NPAS3: variants seen among roughly 807,000 people sequenced by gnomAD.
NPAS3 encodes neuronal PAS domain protein 3, also known as neuronal PAS domain-containing protein 3.
A neutral mutation model predicts 73.1 loss-of-function variants in NPAS3; 14 were observed. That is an observed-to-expected ratio of 0.19 (90% CI 0.13 to 0.30). NPAS3 has a LOEUF of 0.30. NPAS3 is among the 10% of genes least tolerant of loss of function. NPAS3 has a pLI of 1.00. For synonymous variants in NPAS3, 620 were observed against 541.5 expected (o/e 1.14, Z -2.01); for missense variants, 1,096 against 1,250.0 (o/e 0.88, Z 1.86).
At chr14:33,194,498 A>G (rs2046281030) in intron 2 of NPAS3, among the ~76,000 whole-genome samples, 1 of 152,198 alleles carries the variant, frequency 6.6e-6, no homozygotes, top group Non-Finnish European at 1.5e-5. Flanking sequence ...TTATACTATT[A>G]AAAATTCTCT....
chr14:33,090,067 A>G (rs2042172092), intron 2 of NPAS3, among the ~76,000 whole-genome samples: 1 of 152,222 alleles, frequency 6.6e-6, no homozygotes, highest in Non-Finnish European at 1.5e-5. Flanking sequence ...AAGACCATCG[A>G]TGCTAGGAAG....
In NPAS3 at chr14:33,731,838, T is replaced by C. The variant is rs559040137; in HGVS notation, c.734-3376T>C. Among the ~76,000 whole-genome samples, 334 of 152,336 alleles carry C rather than the reference T, an allele frequency of 2.2e-3. 2 individuals are homozygous for C. Among genetic ancestry groups the C allele is most frequent in the African/African-American group, 7.4e-3 (309 of 41,570 alleles). ...TTATTAAAAAGTTGAGACCTTGAGATTGAGCCAAATAGAGTATATTTCTTT... is the reference window on the plus strand; with the variant it reads ...TTATTAAAAAGTTGAGACCTTGAGACTGAGCCAAATAGAGTATATTTCTTT... On this transcript the variant is annotated intron_variant, in intron 6 of 11. Transcript: ENST00000356141.
chr14:33,194,732 T>TA (rs558125229), intron 2 of NPAS3, among the ~76,000 whole-genome samples: 27 of 152,164 alleles, frequency 1.8e-4, no homozygotes, highest in Non-Finnish European at 3.4e-4. Context: ...TCTGAATAAG[T>TA]AAAAAAGGCA....
At chr14:33,590,813 T>C (rs1353205129) in intron 5 of NPAS3, among the ~76,000 whole-genome samples, 1 of 152,170 alleles carries the variant, frequency 6.6e-6, no homozygotes, top group Non-Finnish European at 1.5e-5. Flanking sequence ...CTCACAAATA[T>C]CATCCTCCAT....
chr14:33,569,017 CTATATATGTT>C (rs972081278), intron 5 of NPAS3, among the ~76,000 whole-genome samples: 1 of 152,092 alleles, frequency 6.6e-6, no homozygotes, highest in Non-Finnish European at 1.5e-5. Flanking sequence ...ATTCACATGC[CTATATATGTT>C]TATAAATGCA....
chr14:33,147,371 T>G (rs2139215093), intron 2 of NPAS3, among the ~76,000 whole-genome samples: 1 of 152,302 alleles, frequency 6.6e-6, no homozygotes, highest in Admixed American at 6.5e-5. Context: ...GAAAAGTATT[T>G]CTTAGTTCTG....
At chr14:33,523,577 A>G (rs2053656861) in intron 4 of NPAS3, among the ~76,000 whole-genome samples, 1 of 152,054 alleles carries the variant, frequency 6.6e-6, no homozygotes. Context: ...AGCCTGGCCA[A>G]CATGGTGAAA....
intron 4 of NPAS3, among the ~76,000 whole-genome samples, chr14:33,411,205 T>C (rs1002103427): frequency 1.3e-5 from 2 of 152,200 alleles, no homozygotes; most frequent in African/African-American, 4.8e-5. Flanking sequence ...TTTGTTGTTT[T>C]TGAGACGGAG....
At chr14:33,524,881 G>A (rs950234759) in intron 4 of NPAS3, among the ~76,000 whole-genome samples, 2 of 152,048 alleles carry the variant, frequency 1.3e-5, no homozygotes, top group African/African-American at 4.8e-5. Context: ...GTGTCCAAAT[G>A]TCTTCTTTTT....
chr14:33,054,353 A>G (rs2040809782), intron 1 of NPAS3, among the ~76,000 whole-genome samples: 1 of 152,210 alleles, frequency 6.6e-6, no homozygotes, highest in Non-Finnish European at 1.5e-5. Context: ...ATGGTTAATT[A>G]TAAATAGAAC....
intron 1 of NPAS3, among the ~76,000 whole-genome samples, chr14:33,026,239 C>G (rs2039797412): frequency 1.3e-5 from 2 of 152,230 alleles, no homozygotes; most frequent in African/African-American, 4.8e-5. Flanking sequence ...ACTGTCAGGT[C>G]CCAGCCTAGA....
At chr14:33,773,851 T>A (rs957935032) in intron 7 of NPAS3, among the ~76,000 whole-genome samples, 1 of 152,162 alleles carries the variant, frequency 6.6e-6, no homozygotes. Flanking sequence ...TGCCACTGAG[T>A]GTTTTATTCA....
chr14:32,975,308 G>C (rs2748830), intron 1 of NPAS3, among the ~76,000 whole-genome samples: 1 of 103,998 alleles, frequency 9.6e-6, no homozygotes, highest in Non-Finnish European at 2.1e-5. Flanking sequence ...CTCCCTCCCT[G>C]CCTCCGTCAC....
chr14:32,976,569 C>T (rs1010700163), intron 1 of NPAS3, among the ~76,000 whole-genome samples: 3 of 152,082 alleles, frequency 2.0e-5, no homozygotes, highest in Non-Finnish European at 4.4e-5. Context: ...GTTTGGAGGA[C>T]GCTGCTTTAA....
At chr14:33,081,960 G>A (rs1012661045) in intron 2 of NPAS3, among the ~76,000 whole-genome samples, 4 of 152,174 alleles carry the variant, frequency 2.6e-5, no homozygotes, top group Admixed American at 6.5e-5. Flanking sequence ...ACAGCCAAAC[G>A]TGCAATGATT....
At chr14:33,322,037 T>C (rs1394699276) in intron 3 of NPAS3, among the ~76,000 whole-genome samples, 1 of 152,066 alleles carries the variant, frequency 6.6e-6, no homozygotes, top group Admixed American at 6.6e-5. Flanking sequence ...CTGCCAGAGA[T>C]GGGTTTGCTT....
In NPAS3 at chr14:32,975,301, C is replaced by CCGTCACTCCCTTCCTCCGTCA. The variant is rs1555313388; in HGVS notation, c.50+35936_50+35937insGTCACTCCCTTCCTCCGTCAC. On this transcript the variant is annotated intron_variant, in intron 1 of 11. Coordinates refer to ENST00000356141, the Ensembl canonical transcript of NPAS3. ...TGCCCTTCTATTCCTTCCCTCCCTC[C>CCGTCACTCCCTTCCTCCGTCA]CTCCCTGCCTCCGTCACTCCCTGCC... 2.6e-3 allele frequency among the ~76,000 whole-genome samples: 304 copies of CCGTCACTCCCTTCCTCCGTCA among 116,296 alleles called. 5 individuals carry two copies. In the East Asian group the frequency reaches 0.054, roughly 21 times the overall value. 76.3% of individuals were successfully genotyped at this position (116,296 alleles called of 152,430 possible).
At chr14:33,453,101 G>A (rs2049876129) in intron 4 of NPAS3, among the ~76,000 whole-genome samples, 2 of 152,122 alleles carry the variant, frequency 1.3e-5, no homozygotes, top group Non-Finnish European at 2.9e-5. Flanking sequence ...GAGCCAGGCA[G>A]GCTCCAAGCT....
chr14:33,124,521 C>T (rs1452470606), intron 2 of NPAS3, among the ~76,000 whole-genome samples: 2 of 152,060 alleles, frequency 1.3e-5, no homozygotes, highest in African/African-American at 4.8e-5. Flanking sequence ...GCAGATATCA[C>T]ATTAGAACAA....
Sources: allele counts gnomAD v4.1 joint callset (sites outside exome capture counted in the v4.1 genomes callset), GRCh38; gene constraint gnomAD v4.1.1; transcripts MANE v1.5; gene names NCBI Gene and HGNC (gene_info 2026-07-23, HGNC 2026-07-21).